Variants in PTCH2 observed in about 807,000 individuals in gnomAD.
PTCH2 encodes the protein patched 2, also known as protein patched homolog 2.
Under a neutral mutation model 117.9 loss-of-function variants are expected in PTCH2, and 96 were observed. The ratio of observed to expected loss-of-function variants is 0.81; its 90% CI spans 0.69 to 0.96. PTCH2 has a LOEUF of 0.96. Ranked by LOEUF, PTCH2 falls within the 50% of genes least tolerant of loss-of-function variation. The probability of loss-of-function intolerance (pLI) is 0.00; values close to 1 mark genes in which losing one functional copy is unlikely to be tolerated. For synonymous variants in PTCH2, 615 were observed against 660.9 expected, an observed-to-expected ratio of 0.93 and a Z score of 1.06; for missense variants, 1,379 against 1,562.5, an observed-to-expected ratio of 0.88 and a Z score of 1.98.
rs773522979 is a variant in PTCH2, at chr1:44,829,552, T to C, written c.1084-19A>G. 6.2e-7 allele frequency: 1 copy of C among 1,614,042 alleles called. No homozygotes were observed. The highest frequency in any genetic ancestry group is 1.1e-5 in the South Asian group (1 of 91,072). On this transcript the variant is annotated intron_variant, in intron 8 of 21. Coordinates refer to ENST00000372192, the MANE Select transcript of PTCH2 (RefSeq NM_003738.5). ...GGGCCAGCTGGAGAAACAGGGTGGA[T>C]AGGAGGGGGCAGGAGGAGGGAATGG... is the stretch of plus-strand genomic sequence containing the variant.
At chr1:44,842,415 G>T (rs927647125) in intron 1 of PTCH2, among the ~76,000 whole-genome samples, 2 of 151,768 alleles carry the variant, frequency 1.3e-5, no homozygotes, top group Non-Finnish European at 2.9e-5. Flanking sequence ...GAGTAGTTGG[G>T]ACTACAGGCG....
intron 2 of PTCH2, among the ~76,000 whole-genome samples, chr1:44,839,879 G>T (rs922978334): frequency 2.6e-5 from 4 of 152,060 alleles, no homozygotes; most frequent in Non-Finnish European, 5.9e-5. Flanking sequence ...CAACAGGCAG[G>T]CAAGCTCTGA....
chr1:44,830,634 G>C (rs1271548729), intron 6 of PTCH2, among the ~76,000 whole-genome samples: 1 of 144,068 alleles, frequency 6.9e-6, no homozygotes, highest in Non-Finnish European at 1.5e-5. Context: ...GCTTAGAAAA[G>C]GAAAAAGGGA....
Position 44,843,025 on chromosome 1 carries a change from C to G in PTCH2, c.-93G>C. The G allele has an allele frequency of 6.9e-7, 1 of 1,439,588 alleles. No individual in the cohort carries two copies. The highest frequency in any genetic ancestry group is 9.1e-7 in the Non-Finnish European group (1 of 1,100,846). 89.2% of individuals were successfully genotyped at this position (1,439,588 alleles called of 1,614,324 possible). A position where few individuals can be genotyped will look rare whatever the true frequency, so the allele number is the denominator to read the frequency against. ...GGTCTCCCGGTACCGCTGGGCCCCG[C>G]GTAGGGATTCAGTGGGGCCGCCAAG... On this transcript the variant is annotated 5_prime_UTR_variant, in exon 1 of 22. Coordinates refer to ENST00000372192, the MANE Select transcript of PTCH2 (RefSeq NM_003738.5).
At position 44,829,244 on chromosome 1, in the gene PTCH2, G is replaced by A. The variant is rs200293188; in HGVS notation, c.1284C>T (p.Ala428=). The A allele has an allele frequency of 2.2e-4, 350 of 1,613,526 alleles. No homozygotes were observed. Among genetic ancestry groups the A allele is most frequent in the Non-Finnish European group, 2.8e-4 (327 of 1,180,016 alleles). Residue 428 remains alanine (A), a synonymous_variant, in exon 10 of 22, where the codon GCC becomes GCT. Coordinates refer to ENST00000372192, the MANE Select transcript of PTCH2 (RefSeq NM_003738.5). ...CCGCCAGGGCCACCAGCAGTACCCC[G>A]GCAAGGCCCACGGAACCCTGGGACT... is the stretch of plus-strand genomic sequence containing the variant. ...CAQSQGSVGL[A]GVLLVALAVA...
Position 44,823,427 on chromosome 1 carries a change from C to A in PTCH2, c.3115-42G>T. 6.2e-7 allele frequency: 1 copy of A among 1,613,708 alleles called. No homozygotes were observed. Among genetic ancestry groups the A allele is most frequent in the South Asian group, 1.1e-5 (1 of 90,964 alleles). On this transcript the variant is annotated intron_variant, in intron 19 of 21. Coordinates refer to ENST00000372192, the MANE Select transcript of PTCH2 (RefSeq NM_003738.5). The surrounding 1 kb of genome is among the most constrained non-coding windows in gnomAD (Gnocchi z 5.1). ...GTCCTGGAGCTGCTCCTCTGCCAGT[C>A]ATGGCCAGCTCAGCCATGTCCCGAG...
At chr1:44,819,997 T>A (rs368827055), downstream of PTCH2, 40 of 156,976 alleles carry the variant, frequency 2.5e-4, no homozygotes, top group Non-Finnish European at 4.7e-4. Flanking sequence ...AACCCGAGTA[T>A]ATTCGTGACT....
chr1:44,841,391 C>T (rs922673138), intron 2 of PTCH2, among the ~76,000 whole-genome samples: 4 of 152,308 alleles, frequency 2.6e-5, no homozygotes, highest in South Asian at 2.1e-4. Context: ...CCCCAGCCTT[C>T]TAGTTCTAAC....
chr1:44,829,569 A>G (rs2148877838), intron 8 of PTCH2, 36 bp from the exon 9 acceptor site: 1 of 1,614,124 alleles, frequency 6.2e-7, no homozygotes. Flanking sequence ...GGGCAGGAGG[A>G]GGGAATGGCC....
At position 44,830,974 on chromosome 1, in the gene PTCH2, G is replaced by A. The variant is rs11573576; in HGVS notation, c.687C>T (p.Ala229=). The change falls in exon 6 of 22, where the codon GCC becomes GCT. Residue 229 remains alanine, a synonymous_variant. Transcript: ENST00000372192. ...EQLLEELGPF[A]SLEGFRELLD... is the part of the protein sequence containing the mutation. ...GCAGCTCCCGGAAGCCCTCAAGGGA[G>A]GCAAAGGGACCCAGCTCCTCCAGCA... 3,532 of 1,612,526 alleles carry A rather than the reference G, an allele frequency of 2.2e-3. 75 individuals are homozygous for A. The African/African-American group carries it at 0.041, about 19-fold the overall frequency.
chr1:44,826,728 G>T lies in PTCH2; in HGVS notation c.2736C>A (p.Phe912Leu). 1 of 1,596,140 alleles carries T rather than the reference G, an allele frequency of 6.3e-7. No homozygotes were observed. The highest frequency in any genetic ancestry group is 8.6e-7 in the Non-Finnish European group (1 of 1,169,144). ...CAGTCTTCTGGAGGCCACGCAGCAG[G>T]AAGGGGAACTGGGCAAACTCCAAGG... ...AQPLEFAQFP[F>L]LLRGLQKTAD... is the part of the protein sequence containing the mutation. Residue 912 changes from phenylalanine to leucine, a missense_variant, in exon 18 of 22, where the codon TTC becomes TTA. Coordinates refer to ENST00000372192, the MANE Select transcript of PTCH2 (RefSeq NM_003738.5). This position sits in a 1 kb window ranked among gnomAD's most constrained non-coding sequence, Gnocchi z 5.1.
In PTCH2 at chr1:44,829,086, G is replaced by A. The variant is rs2148876955; in HGVS notation, c.1372-12C>T. ...AAGAAGGGCAGCACCTGGAGGGGCA[G>A]AGGAGCGGGCAGCTGAGGACCCGTG... On this transcript the variant is annotated splice_polypyrimidine_tract_variant and intron_variant, in intron 10 of 21. Transcript: ENST00000372192. The A allele has an allele frequency of 6.2e-7, 1 of 1,613,142 alleles. No homozygotes were observed. Among genetic ancestry groups the A allele is most frequent in the South Asian group, 1.1e-5 (1 of 90,918 alleles).
Position 44,843,240 on chromosome 1 carries a change from G to C in PTCH2, c.-308C>G, listed in dbSNP as rs555208212. 4 of 985,270 alleles carry C rather than the reference G, an allele frequency of 4.1e-6. No individual in the cohort carries two copies. Among genetic ancestry groups the C allele is most frequent in the East Asian group, 1.1e-4 (1 of 8,812 alleles). 61.0% of individuals were successfully genotyped at this position (985,270 alleles called of 1,614,324 possible). On this transcript the variant is annotated 5_prime_UTR_variant, in exon 1 of 22. Transcript: ENST00000372192. ...TGGCCCGAGACGCACAGCAGGGCTC[G>C]AGGTGGCAACTGCAGTCCCCGGGAG...
rs1557647774 is a variant in PTCH2, at chr1:44,832,132, A to G, written c.455+20T>C. ...CAGCACGCCTCGCCCCCAGCTGCTC[A>G]GGGGCTCAGCCAGACTCACTTCCCA... is the stretch of plus-strand genomic sequence containing the variant. On this transcript the variant is annotated intron_variant, in intron 3 of 21. Coordinates refer to ENST00000372192, the MANE Select transcript of PTCH2 (RefSeq NM_003738.5). 1.9e-6 allele frequency: 3 copies of G among 1,613,956 alleles called. No individual in the cohort carries two copies. Among genetic ancestry groups the G allele is most frequent in the Non-Finnish European group, 1.7e-6 (2 of 1,179,912 alleles).
chr1:44,830,920 G>T lies in PTCH2; in HGVS notation c.741C>A (p.Tyr247Ter), dbSNP rs771872936. 2 of 1,594,578 alleles carry T rather than the reference G, an allele frequency of 1.3e-6. No homozygotes were observed. The highest frequency in any genetic ancestry group is 1.7e-6 in the Non-Finnish European group (2 of 1,164,974). Reference sequence around the variant, plus strand: ...CAGGGTGCAGACAGGGCCGCCCCACGTAGGCCTGGCCCACCTGTGCCTTGT... The same window carrying T: ...CAGGGTGCAGACAGGGCCGCCCCACTTAGGCCTGGCCCACCTGTGCCTTGT... ...LLDKAQVGQAYVGRPCLHPDD... is the reference protein window; with the variant it reads ...LLDKAQVGQA The change falls in exon 6 of 22, where the codon TAC (tyrosine) becomes TAA (stop). Residue 247 changes from tyrosine (Y) to a stop codon, truncating the protein, a stop_gained. Coordinates refer to ENST00000372192, the MANE Select transcript of PTCH2 (RefSeq NM_003738.5). LOFTEE classifies it high-confidence loss of function.
At chr1:44,836,391 C>T (rs148377967) in intron 2 of PTCH2, among the ~76,000 whole-genome samples, 26 of 152,244 alleles carry the variant, frequency 1.7e-4, no homozygotes, top group African/African-American at 6.0e-4. Context: ...GCAGGAGGAT[C>T]GCTTGAGACC....
rs761925367 is a variant in PTCH2, at chr1:44,827,198, C to T, written c.2483G>A (p.Gly828Glu). 1.9e-6 allele frequency: 3 copies of T among 1,613,978 alleles called. No individual in the cohort carries two copies. Among genetic ancestry groups the T allele is most frequent in the Non-Finnish European group, 2.5e-6 (3 of 1,180,024 alleles). The change falls in exon 16 of 22, where the codon GGA (glycine) becomes GAA (glutamate). Residue 828 changes from glycine to glutamate, a missense_variant. Transcript: ENST00000372192. ...ALAYKLLIQT[G>E]DAQEPLDFSQ... ...GAAATCCAGAGGCTCCTGGGCGTCTCCAGTCTGGATGAGCAGCTTGTAGGC... is the reference window on the plus strand; with the variant it reads ...GAAATCCAGAGGCTCCTGGGCGTCTTCAGTCTGGATGAGCAGCTTGTAGGC...
chr1:44,839,653 G>T (rs1040559935), intron 2 of PTCH2, among the ~76,000 whole-genome samples: 4 of 152,090 alleles, frequency 2.6e-5, no homozygotes, highest in Non-Finnish European at 5.9e-5. Context: ...CCTCTGTTGG[G>T]GCAGGAAATC....
intron 2 of PTCH2, among the ~76,000 whole-genome samples, chr1:44,834,956 T>G (rs1653620985): frequency 6.6e-6 from 1 of 152,110 alleles, no homozygotes; most frequent in East Asian, 1.9e-4. Flanking sequence ...CAATAGTTGC[T>G]GGTAGAGAAA....
Sources: allele counts gnomAD v4.1 joint callset (sites outside exome capture counted in the v4.1 genomes callset), GRCh38; gene constraint gnomAD v4.1.1; non-coding constraint Gnocchi (gnomAD v3.1); transcripts MANE v1.5; gene names NCBI Gene and HGNC (gene_info 2026-07-23, HGNC 2026-07-21).